Variants in PDE4D observed in about 807,000 individuals in gnomAD.
The protein encoded by PDE4D is phosphodiesterase 4D, also known as 3',5'-cyclic-AMP phosphodiesterase 4D.
In PDE4D, 24 loss-of-function variants were observed where a neutral mutation model predicts 87.4. That is an observed-to-expected ratio of 0.27 (90% CI 0.20 to 0.39). The LOEUF (loss-of-function observed/expected upper bound fraction) is 0.39. PDE4D is among the 10% of genes least tolerant of loss of function. PDE4D has a pLI of 1.00. For synonymous variants in PDE4D, 384 were observed against 383.2 expected, an observed-to-expected ratio of 1.00 and a Z score of -0.02; for missense variants, 714 against 1,041.0, an observed-to-expected ratio of 0.69 and a Z score of 4.32.
intron 1 of PDE4D, among the ~76,000 whole-genome samples, chr5:59,442,222 C>A (rs1797739331): frequency 6.6e-6 from 1 of 152,140 alleles, no homozygotes; most frequent in South Asian, 2.1e-4. Context: ...GAAGATCATT[C>A]AGATATTAAA....
intron 1 of PDE4D, among the ~76,000 whole-genome samples, chr5:59,463,182 C>T (rs903966577): frequency 6.6e-6 from 1 of 152,102 alleles, no homozygotes; most frequent in Non-Finnish European, 1.5e-5. Flanking sequence ...GAAAAATATA[C>T]AGTTAAAATA....
At chr5:59,791,082 C>T (rs894736208) in intron 1 of PDE4D, among the ~76,000 whole-genome samples, 6 of 152,308 alleles carry the variant, frequency 3.9e-5, no homozygotes, top group African/African-American at 9.6e-5. Context: ...CCTGACAGTA[C>T]GTCCAGCATC....
At chr5:59,113,981 A>G (rs1053875199) in intron 5 of PDE4D, among the ~76,000 whole-genome samples, 21 of 152,184 alleles carry the variant, frequency 1.4e-4, no homozygotes, top group Non-Finnish European at 2.5e-4. Context: ...TCCCTTTCCA[A>G]GAGCTAATTT....
chr5:59,318,007 A>T (rs917435059), intron 1 of PDE4D, among the ~76,000 whole-genome samples: 2 of 152,150 alleles, frequency 1.3e-5, no homozygotes, highest in African/African-American at 4.8e-5. Context: ...TTTGTCCGTG[A>T]TCTTACTTCC....
chr5:60,302,776 CT>C (rs1754028737), intron 1 of PDE4D, among the ~76,000 whole-genome samples: 1 of 152,124 alleles, frequency 6.6e-6, no homozygotes, highest in Non-Finnish European at 1.5e-5. Flanking sequence ...AATTTGAAAT[CT>C]TTCCAGATTT....
chr5:59,914,862 T>G (rs1753849553), intron 3 of PDE4D, among the ~76,000 whole-genome samples: 1 of 116,018 alleles, frequency 8.6e-6, no homozygotes, highest in African/African-American at 3.4e-5. Context: ...AATTTACTGA[T>G]AGGGGTGTGT....
intron 1 of PDE4D, among the ~76,000 whole-genome samples, chr5:60,436,624 T>C (rs993579766): frequency 6.6e-6 from 1 of 152,120 alleles, no homozygotes; most frequent in Admixed American, 6.6e-5. Context: ...CCCTTTAGAA[T>C]TGAAGTATGA....
chr5:59,651,258 CAAT>C (rs59177482), intron 1 of PDE4D, among the ~76,000 whole-genome samples: 69,302 of 141,800 alleles, frequency 0.49, 17,533 homozygotes, highest in East Asian at 0.84. Context: ...TCTGTCTCAA[CAAT>C]AATAATAATA....
At chr5:59,657,292 G>A (rs1209349606) in intron 1 of PDE4D, among the ~76,000 whole-genome samples, 1 of 152,150 alleles carries the variant, frequency 6.6e-6, no homozygotes, top group Non-Finnish European at 1.5e-5. Context: ...CTCAGAAAGT[G>A]TAACTTGTCA....
At chr5:59,328,611 T>G (rs772418134) in intron 1 of PDE4D, among the ~76,000 whole-genome samples, 1 of 152,204 alleles carries the variant, frequency 6.6e-6, no homozygotes, top group South Asian at 2.1e-4. Flanking sequence ...AATTAGATGG[T>G]GAAACCAAGT....
At chr5:59,473,269 A>G (rs186940656) in intron 1 of PDE4D, among the ~76,000 whole-genome samples, 352 of 152,178 alleles carry the variant, frequency 2.3e-3, no homozygotes, top group Middle Eastern at 6.8e-3. Context: ...TATAGTTTAG[A>G]CTCTAATTTC....
intron 1 of PDE4D, among the ~76,000 whole-genome samples, chr5:59,350,965 T>C (rs1020976015): frequency 6.6e-6 from 1 of 152,180 alleles, no homozygotes; most frequent in African/African-American, 2.4e-5. Flanking sequence ...AAGGTAACCA[T>C]TTATAAGCCA....
chr5:59,054,797 T>C (rs904492108), intron 5 of PDE4D, among the ~76,000 whole-genome samples: 6 of 152,166 alleles, frequency 3.9e-5, no homozygotes, highest in Non-Finnish European at 8.8e-5. Flanking sequence ...ACCCCTTAAA[T>C]TGATTTTGAA....
At chr5:60,282,003 C>T (rs1348019535) in intron 1 of PDE4D, among the ~76,000 whole-genome samples, 1 of 150,026 alleles carries the variant, frequency 6.7e-6, no homozygotes, top group Non-Finnish European at 1.5e-5. Flanking sequence ...TAGCACTGCA[C>T]TCCAGACTGG....
rs143933799 is a variant in PDE4D, at chr5:59,489,061, C to T, written c.456-273093G>A. The stretch of plus-strand genomic sequence containing the variant: ...CAGCACTTTGGGAGGCTGAGGAGGG[C>T]GGATCACGCGGTCAAGAGATAGAGA... On this transcript the variant is annotated intron_variant, in intron 1 of 14. Transcript: ENST00000340635. Among the ~76,000 whole-genome samples, 790 of 151,824 alleles carry T rather than the reference C, an allele frequency of 5.2e-3. 2 individuals carry two copies. The highest frequency in any genetic ancestry group is 0.01 in the South Asian group (50 of 4,806).
intron 1 of PDE4D, among the ~76,000 whole-genome samples, chr5:59,472,723 C>T (rs1041209352): frequency 6.6e-6 from 1 of 151,978 alleles, no homozygotes; most frequent in South Asian, 2.1e-4. Flanking sequence ...ATACTAATGC[C>T]TACCCAAAAT....
chr5:59,586,255 A>C, intron 1 of PDE4D: 1 of 1,146,678 alleles, frequency 8.7e-7, no homozygotes. Flanking sequence ...TTCAAGACAA[A>C]TCCTCATCTG....
rs532193409 is a variant in PDE4D at position 60,293,946 on chromosome 5, A to G, written c.-89-108259T>C. On this transcript the variant is annotated intron_variant, in intron 1 of 16. Coordinates refer to the PDE4D transcript ENST00000502484. ...TGTAACATAAAATTTGCTTCTGGGT[A>G]AACAATAGGAGTGGAATTGCTAGGT... Among the ~76,000 whole-genome samples the G allele has an allele frequency of 7.9e-5, 12 of 152,358 alleles. No homozygotes were observed. In the South Asian group the frequency reaches 2.3e-3, roughly 29 times the overall value.
chr5:60,234,376 C>G (rs886690409), intron 1 of PDE4D, among the ~76,000 whole-genome samples: 4 of 151,548 alleles, frequency 2.6e-5, no homozygotes, highest in African/African-American at 9.7e-5. Context: ...TTTCTATTTT[C>G]TGCTATTATA....
Sources: allele counts gnomAD v4.1 joint callset (sites outside exome capture counted in the v4.1 genomes callset), GRCh38; gene constraint gnomAD v4.1.1; transcripts MANE v1.5; gene names NCBI Gene and HGNC (gene_info 2026-07-23, HGNC 2026-07-21).